TSC22D2: variants seen among roughly 807,000 people sequenced by gnomAD.
TSC22D2 encodes TSC22 domain family member 2.
In TSC22D2, 5 loss-of-function variants were observed where a neutral mutation model predicts 50.1. The observed-to-expected ratio is 0.10, with a 90% CI of 0.05 to 0.21. TSC22D2 has a LOEUF of 0.21. TSC22D2 is among the 10% of genes least tolerant of loss of function. TSC22D2 has a pLI of 1.00. For missense variants in TSC22D2, 1,003 were observed against 1,015.5 expected (o/e 0.99, Z 0.17); for synonymous variants, 501 against 450.1 (o/e 1.11, Z -1.43).
intron 1 of TSC22D2, among the ~76,000 whole-genome samples, chr3:150,443,495 T>C (rs1720783554): frequency 1.3e-5 from 2 of 152,238 alleles, no homozygotes; most frequent in South Asian, 4.1e-4. Context: ...GACGTTTCTC[T>C]ACTTATTGAT....
chr3:150,458,025 C>G (rs1721246595), intron 2 of TSC22D2, among the ~76,000 whole-genome samples: 1 of 152,106 alleles, frequency 6.6e-6, no homozygotes, highest in African/African-American at 2.4e-5. Flanking sequence ...AGTTTAACAT[C>G]AAACAGCTTT....
Position 150,458,521 on chromosome 3 carries a change from C to T in TSC22D2, c.2156C>T (p.Ser719Phe), listed in dbSNP as rs1332412806. 16 of 1,614,198 alleles carry T rather than the reference C, an allele frequency of 9.9e-6. No individual in the cohort carries two copies. The highest frequency in any genetic ancestry group is 2.2e-5 in the East Asian group (1 of 44,890). ...TCTCTTTCAAGCAATGATCAATTAT[C>T]CCAACTCCCAACCCAACAGGCCAAT... Reference protein sequence around the residue: ...LKSLSSNDQLSQLPTQQANPG... With the variant: ...LKSLSSNDQLFQLPTQQANPG... Residue 719 changes from serine (S) to phenylalanine (F), a missense_variant, in exon 3 of 3, where the codon TCC (serine) becomes TTC (phenylalanine). Around this residue, in one of 6 missense-constraint regions of TSC22D2, gnomAD observed 54 missense variants for 51.4 expected, o/e 1.05. Coordinates refer to ENST00000688009, the MANE Select transcript of TSC22D2 (RefSeq NM_001303264.2).
intron 1 of TSC22D2, among the ~76,000 whole-genome samples, chr3:150,417,967 T>C (rs1719876683): frequency 6.6e-6 from 1 of 152,134 alleles, no homozygotes; most frequent in South Asian, 2.1e-4. Context: ...TTTTTCTTTT[T>C]TGAGACTTTG....
chr3:150,445,434 A>G (rs990958579), intron 1 of TSC22D2, among the ~76,000 whole-genome samples: 47 of 151,684 alleles, frequency 3.1e-4, no homozygotes, highest in African/African-American at 9.0e-4. Context: ...AATCTTTAAC[A>G]TTTAATTGAA....
chr3:150,460,930 AAC>A lies in TSC22D2; in HGVS notation c.*2296_*2297del, dbSNP rs1491465633. ...TTATTACTACTTTTATATTAAGAAAAACAGTAGAAAAGGAGAGAAAATATGGG... is the reference window on the plus strand; with the variant it reads ...TTATTACTACTTTTATATTAAGAAAAAGTAGAAAAGGAGAGAAAATATGGG... On this transcript the variant is annotated 3_prime_UTR_variant, in exon 3 of 3. Coordinates refer to ENST00000688009, the MANE Select transcript of TSC22D2 (RefSeq NM_001303264.2). The A allele has an allele frequency of 2.0e-5, 3 of 152,210 alleles. No individual in the cohort carries two copies. Among genetic ancestry groups the A allele is most frequent in the Admixed American group, 6.5e-5 (1 of 15,278 alleles). 9.4% of individuals were successfully genotyped at this position (152,210 alleles called of 1,614,324 possible).
At chr3:150,412,350 G>C (rs1399914726) in intron 1 of TSC22D2, among the ~76,000 whole-genome samples, 2 of 152,130 alleles carry the variant, frequency 1.3e-5, no homozygotes, top group African/African-American at 4.8e-5. Context: ...TTAGCGAGAG[G>C]CTAATTTTAG....
intron 1 of TSC22D2, among the ~76,000 whole-genome samples, chr3:150,433,688 A>C (rs1313058080): frequency 6.6e-6 from 1 of 152,214 alleles, no homozygotes; most frequent in Non-Finnish European, 1.5e-5. Context: ...ATGTTGCTAA[A>C]TGTATTTTTC....
chr3:150,419,309 G>T (rs1198756107), intron 1 of TSC22D2, among the ~76,000 whole-genome samples: 1 of 152,038 alleles, frequency 6.6e-6, no homozygotes, highest in African/African-American at 2.4e-5. Context: ...AATATTCCCA[G>T]AGTTAGAAGT....
chr3:150,413,286 T>TA (rs1719659645), intron 1 of TSC22D2, among the ~76,000 whole-genome samples: 1 of 152,238 alleles, frequency 6.6e-6, no homozygotes, highest in African/African-American at 2.4e-5. Context: ...TCAGTGTTCT[T>TA]ACCAATTGCA....
Position 150,410,380 on chromosome 3 carries a change from C to G in TSC22D2, c.1030C>G (p.Pro344Ala). Reference sequence around the variant, plus strand: ...TATGTCCCTGCCTCCGCAGCCGGGCCCTGCAGTGGGCGCCCCCGCGGCGCA... The same window carrying G: ...TATGTCCCTGCCTCCGCAGCCGGGCGCTGCAGTGGGCGCCCCCGCGGCGCA... ...PAMSLPPQPG[P>A]AVGAPAAQQP... Residue 344 changes from proline (P) to alanine (A), a missense_variant, in exon 1 of 3, where the codon CCT becomes GCT. By Grantham distance (27) the Pro-to-Ala change is conservative. Transcript: ENST00000688009. The G allele has an allele frequency of 6.2e-7, 1 of 1,605,264 alleles. No individual in the cohort carries two copies. The highest frequency in any genetic ancestry group is 8.5e-7 in the Non-Finnish European group (1 of 1,176,660).
chr3:150,442,865 C>G (rs147693585), intron 1 of TSC22D2, among the ~76,000 whole-genome samples: 441 of 152,188 alleles, frequency 2.9e-3, no homozygotes, highest in Non-Finnish European at 5.1e-3. Flanking sequence ...ATCACTTGAG[C>G]CCAGGAGTTT....
At chr3:150,458,330 C>A (rs1187403224) in intron 2 of TSC22D2, 46 bp from the exon 3 acceptor site, 1 of 1,582,346 alleles carries the variant, frequency 6.3e-7, no homozygotes, top group South Asian at 1.2e-5. Context: ...ATAGCACCAC[C>A]TTTATCTTTT....
At chr3:150,454,018 A>G (rs573738730) in intron 1 of TSC22D2, among the ~76,000 whole-genome samples, 3 of 152,326 alleles carry the variant, frequency 2.0e-5, no homozygotes, top group African/African-American at 7.2e-5. Context: ...ACTGAGGTCT[A>G]GAAAGGTTAA....
rs1484983329 is a variant in TSC22D2, at chr3:150,466,378, ATTGT to A, written c.*7747_*7750del. 3 of 152,186 alleles carry A rather than the reference ATTGT, an allele frequency of 2.0e-5. No individual in the cohort carries two copies. The highest frequency in any genetic ancestry group is 4.4e-5 in the Non-Finnish European group (3 of 68,034). 9.4% of individuals were successfully genotyped at this position (152,186 alleles called of 1,614,324 possible). A position where few individuals can be genotyped will look rare whatever the true frequency, so the allele number is the denominator to read the frequency against. On this transcript the variant is annotated 3_prime_UTR_variant, in exon 3 of 3. Transcript: ENST00000688009. The stretch of plus-strand genomic sequence containing the variant: ...GATGTTTTTGAATATGCATTTATGT[ATTGT>A]TTGTGTAATGACAAATTAATAAATT...
intron 1 of TSC22D2, among the ~76,000 whole-genome samples, chr3:150,436,205 A>G (rs1336628838): frequency 6.6e-6 from 1 of 152,186 alleles, no homozygotes; most frequent in Non-Finnish European, 1.5e-5. Flanking sequence ...TGATTTAACC[A>G]TATATTTGTG....
Position 150,409,641 on chromosome 3 carries a change from G to T in TSC22D2, c.291G>T (p.Ala97=). The change falls in exon 1 of 3, where the codon GCG becomes GCT. Residue 97 remains alanine, a synonymous_variant. Coordinates refer to ENST00000688009, the MANE Select transcript of TSC22D2 (RefSeq NM_001303264.2). This position sits in a 1 kb window ranked among gnomAD's most constrained non-coding sequence, Gnocchi z 7.4. ...NLLLDGQLAA[A]AAAPANGGGV... is the part of the protein sequence containing the mutation. The stretch of plus-strand genomic sequence containing the variant: ...TCCTAGATGGGCAGCTGGCAGCGGC[G>T]GCTGCTGCTCCCGCCAACGGAGGAG... 6.2e-7 allele frequency: 1 copy of T among 1,607,824 alleles called. No homozygotes were observed. The highest frequency in any genetic ancestry group is 1.7e-5 in the Admixed American group (1 of 59,706).
intron 1 of TSC22D2, among the ~76,000 whole-genome samples, chr3:150,429,359 A>G (rs997973474): frequency 2.0e-5 from 3 of 152,134 alleles, no homozygotes; most frequent in African/African-American, 7.2e-5. Context: ...CCAGGTGCCA[A>G]GGGGAGGTAG....
chr3:150,409,455 C>G lies in TSC22D2; in HGVS notation c.105C>G (p.Asp35Glu), dbSNP rs769465952. 3.7e-6 allele frequency: 6 copies of G among 1,613,398 alleles called. No individual in the cohort carries two copies. Among genetic ancestry groups the G allele is most frequent in the Non-Finnish European group, 4.2e-6 (5 of 1,179,904 alleles). ...CCGAGGACACCGAGAGCTTGGACGA[C>G]CCGGACGAGTCACGCACAGAGGACG... Reference protein sequence around the residue: ...SITEDTESLDDPDESRTEDVS... With the variant: ...SITEDTESLDEPDESRTEDVS... Residue 35 changes from aspartate to glutamate, a missense_variant, in exon 1 of 3, where the codon GAC becomes GAG. Asp to Glu is a conservative substitution (Grantham distance 45). Around this residue, in one of 6 missense-constraint regions of TSC22D2, gnomAD observed 200 missense variants for 182.8 expected, o/e 1.09. Transcript: ENST00000688009. The surrounding 1 kb of genome is among the most constrained non-coding windows in gnomAD (Gnocchi z 7.4).
intron 1 of TSC22D2, among the ~76,000 whole-genome samples, chr3:150,435,508 G>A (rs1720511233): frequency 6.6e-6 from 1 of 152,028 alleles, no homozygotes; most frequent in Admixed American, 6.6e-5. Flanking sequence ...ACCAAGCATT[G>A]GTTTATCATG....
Sources: allele counts gnomAD v4.1 joint callset (sites outside exome capture counted in the v4.1 genomes callset), GRCh38; gene constraint gnomAD v4.1.1; regional missense constraint gnomAD v4.1.1; non-coding constraint Gnocchi (gnomAD v3.1); transcripts MANE v1.5; gene names NCBI Gene and HGNC (gene_info 2026-07-23, HGNC 2026-07-21).